The following SPATA17 variants were observed in gnomAD, a reference collection of about 807,000 sequenced individuals.
SPATA17 encodes the protein spermatogenesis-associated protein 17.
SPATA17 carries 53 observed loss-of-function variants against 62.2 expected under a neutral mutation model. That is an observed-to-expected ratio of 0.85 (90% CI 0.68 to 1.07). The LOEUF (loss-of-function observed/expected upper bound fraction) is 1.07. Ranked by LOEUF, SPATA17 falls within the 50% of genes least tolerant of loss-of-function variation. SPATA17 has a pLI of 0.00. For missense variants in SPATA17, 466 were observed against 425.5 expected, an observed-to-expected ratio of 1.10 and a Z score of -0.84; for synonymous variants, 146 against 146.8, an observed-to-expected ratio of 0.99 and a Z score of 0.04.
chr1:217,765,447 ATGT>A (rs1463353203), intron 6 of SPATA17, among the ~76,000 whole-genome samples: 2 of 151,908 alleles, frequency 1.3e-5, no homozygotes. Flanking sequence ...AATCTCACAA[ATGT>A]TGATAAGCTA....
chr1:217,864,386 T>C (rs2103017508), intron 10 of SPATA17, among the ~76,000 whole-genome samples: 1 of 152,242 alleles, frequency 6.6e-6, no homozygotes, highest in East Asian at 1.9e-4. Context: ...GTTATAAGTC[T>C]TTACCCATTA....
chr1:217,781,986 T>A (rs113620489), intron 7 of SPATA17, 188 bp from the exon 8 acceptor site: 4 of 473,708 alleles, frequency 8.4e-6, no homozygotes, highest in African/African-American at 4.1e-5. Context: ...CAATTTTACT[T>A]GAGAGAACAT....
chr1:217,725,597 G>C (rs1307796654), intron 5 of SPATA17, among the ~76,000 whole-genome samples: 1 of 152,092 alleles, frequency 6.6e-6, no homozygotes, highest in Non-Finnish European at 1.5e-5. Context: ...TGAGTAGCTG[G>C]TATTACGGGC....
At chr1:217,667,115 T>C (rs1181519496) in intron 3 of SPATA17, among the ~76,000 whole-genome samples, 2 of 150,626 alleles carry the variant, frequency 1.3e-5, no homozygotes, top group African/African-American at 4.9e-5. Context: ...TGGCTTGATC[T>C]TGGCTCACTG....
chr1:217,782,278 G>C lies in SPATA17; in HGVS notation c.828G>C (p.Glu276Asp). Residue 276 changes from glutamate to aspartate, a missense_variant, in exon 8 of 11, where the codon GAG becomes GAC. Glu to Asp is a conservative substitution (Grantham distance 45, BLOSUM62 2). Coordinates refer to ENST00000366933, the MANE Select transcript of SPATA17 (RefSeq NM_138796.4). ...EPIDELKLAR[E>D]ELRREEWLQN... is the part of the protein sequence containing the mutation. The stretch of plus-strand genomic sequence containing the variant: ...TCGATGAGTTAAAGTTGGCCAGAGA[G>C]GAGCTCAGAAGAGAGGAATGGCTGC... 1.2e-6 allele frequency: 2 copies of C among 1,612,226 alleles called. No homozygotes were observed. The highest frequency in any genetic ancestry group is 1.1e-5 in the South Asian group (1 of 90,926).
chr1:217,772,446 C>T (rs1167453541), intron 6 of SPATA17, among the ~76,000 whole-genome samples: 1 of 151,886 alleles, frequency 6.6e-6, no homozygotes, highest in Non-Finnish European at 1.5e-5. Flanking sequence ...AATTTAGTCT[C>T]CAATTAAAAA....
chr1:217,851,864 A>G (rs1675674408), intron 9 of SPATA17, among the ~76,000 whole-genome samples: 1 of 152,202 alleles, frequency 6.6e-6, no homozygotes, highest in Admixed American at 6.5e-5. Context: ...GCACATTTAA[A>G]GACTTTAAGA....
chr1:217,749,405 T>C (rs190141190), intron 6 of SPATA17, among the ~76,000 whole-genome samples: 3 of 152,268 alleles, frequency 2.0e-5, no homozygotes, highest in Non-Finnish European at 2.9e-5. Flanking sequence ...TGCAGCCTGA[T>C]TTTGAGCATT....
At chr1:217,681,860 TA>T (rs1671091991) in intron 4 of SPATA17, among the ~76,000 whole-genome samples, 1 of 151,380 alleles carries the variant, frequency 6.6e-6, no homozygotes, top group Non-Finnish European at 1.5e-5. Context: ...ATTTTTTAGC[TA>T]AAAAAAAGTA....
At chr1:217,818,826 G>A (rs1674785047) in intron 9 of SPATA17, among the ~76,000 whole-genome samples, 1 of 145,904 alleles carries the variant, frequency 6.9e-6, no homozygotes, top group Non-Finnish European at 1.5e-5. Context: ...ATCTTTCTTT[G>A]CCTATCTTCC....
At chr1:217,674,502 G>C (rs1558560975) in intron 4 of SPATA17, among the ~76,000 whole-genome samples, 3 of 152,164 alleles carry the variant, frequency 2.0e-5, no homozygotes, top group African/African-American at 7.2e-5. Context: ...AGGAGAGTGT[G>C]TGTGAGCAAG....
chr1:217,735,867 C>G (rs1170811343), intron 5 of SPATA17, among the ~76,000 whole-genome samples: 1 of 151,652 alleles, frequency 6.6e-6, no homozygotes, highest in South Asian at 2.1e-4. Context: ...GTGAACAAAG[C>G]ATTTAATGAG....
rs1571786197 is a variant in SPATA17, at chr1:217,759,094, A to G, written c.520-15240A>G. On this transcript the variant is annotated intron_variant, in intron 6 of 10. Transcript: ENST00000366933. ...CCATGTGCCAAAGGCTATTGTGAAT[A>G]TGGGGGAATAACCAGCAAGTCAGTT... is the stretch of plus-strand genomic sequence containing the variant. Among the ~76,000 whole-genome samples, 4 of 152,330 alleles carry G rather than the reference A, an allele frequency of 2.6e-5. 1 individual carries two copies. Among genetic ancestry groups the G allele is most frequent in the Admixed American group, 2.6e-4 (4 of 15,298 alleles).
chr1:217,832,869 G>A (rs1675174834), intron 9 of SPATA17, among the ~76,000 whole-genome samples: 3 of 151,916 alleles, frequency 2.0e-5, no homozygotes, highest in Admixed American at 2.0e-4. Flanking sequence ...CCTGATCCTG[G>A]GGAGATCGAG....
At chr1:217,748,644 T>G (rs1571778009) in intron 6 of SPATA17, among the ~76,000 whole-genome samples, 1 of 148,890 alleles carries the variant, frequency 6.7e-6, no homozygotes, top group South Asian at 2.1e-4. Flanking sequence ...ACTCGGAGGC[T>G]GAGGCAGGAG....
At chr1:217,673,046 G>A (rs1025166628) in intron 4 of SPATA17, among the ~76,000 whole-genome samples, 3 of 152,016 alleles carry the variant, frequency 2.0e-5, no homozygotes, top group Middle Eastern at 3.2e-3. Context: ...ACTTTAACAC[G>A]TTTTTTCTAA....
intron 9 of SPATA17, among the ~76,000 whole-genome samples, chr1:217,810,653 G>A (rs1674564131): frequency 6.6e-6 from 1 of 151,896 alleles, no homozygotes; most frequent in East Asian, 1.9e-4. Flanking sequence ...CTGAGAATCT[G>A]AGACTCGGTT....
At chr1:217,795,421 G>C (rs1278352207) in intron 8 of SPATA17, among the ~76,000 whole-genome samples, 2 of 149,526 alleles carry the variant, frequency 1.3e-5, no homozygotes, top group African/African-American at 5.0e-5. Flanking sequence ...CCAGGCTGGG[G>C]TGCAGTGGTG....
At chr1:217,738,349 G>T (rs59954599) in intron 5 of SPATA17, among the ~76,000 whole-genome samples, 1 of 152,188 alleles carries the variant, frequency 6.6e-6, no homozygotes, top group African/African-American at 2.4e-5. Flanking sequence ...CATCCAGAGA[G>T]AGAAAGGAGG....
Sources: gnomAD v4.1 joint callset for allele counts (sites outside exome capture counted in the v4.1 genomes callset) on GRCh38, gnomAD v4.1.1 for gene constraint, MANE v1.5 for transcripts, NCBI Gene and HGNC (gene_info 2026-07-23, HGNC 2026-07-21) for gene names.